Variants in RGS5 observed in about 807,000 individuals in gnomAD.
RGS5 encodes regulator of G-protein signalling 5.
A neutral mutation model predicts 18.9 loss-of-function variants in RGS5; 20 were observed. The ratio of observed to expected loss-of-function variants is 1.06; its 90% CI spans 0.74 to 1.54. The LOEUF (loss-of-function observed/expected upper bound fraction) is 1.54. Among genes scored for constraint, RGS5 ranks in the 40% most tolerant of loss-of-function variants. The probability of loss-of-function intolerance (pLI) is 0.00; values close to 1 mark genes in which losing one functional copy is unlikely to be tolerated. For synonymous variants in RGS5, 57 were observed against 76.2 expected (o/e 0.75, Z 1.31); for missense variants, 201 against 211.8 (o/e 0.95, Z 0.32).
chr1:163,161,047 C>T (rs1316120558), intron 3 of RGS5, among the ~76,000 whole-genome samples: 1 of 152,124 alleles, frequency 6.6e-6, no homozygotes, highest in Non-Finnish European at 1.5e-5. Flanking sequence ...TTTGGAATTT[C>T]AGAGGGTGGA....
At chr1:163,160,698 A>C (rs887450446) in intron 3 of RGS5, among the ~76,000 whole-genome samples, 1 of 152,230 alleles carries the variant, frequency 6.6e-6, no homozygotes, top group African/African-American at 2.4e-5. Flanking sequence ...ATTCTTTGTC[A>C]TCTACTCTGT....
chr1:163,221,250 C>G (rs1300673579), upstream of RGS5, among the ~76,000 whole-genome samples: 1 of 152,174 alleles, frequency 6.6e-6, no homozygotes, highest in Non-Finnish European at 1.5e-5. Context: ...GTAATCCCAA[C>G]AGTTTGAGAG....
rs535368259 is a variant in RGS5 at position 163,290,435 on chromosome 1, C to T, written c.-281+15798G>A. ...ATTGTTGCTTTCTGTATAATTCTTGCCAAAACTATTGCATAACATTTCTTC... is the reference window on the plus strand; with the variant it reads ...ATTGTTGCTTTCTGTATAATTCTTGTCAAAACTATTGCATAACATTTCTTC... On this transcript the variant is annotated intron_variant, in intron 2 of 5. Coordinates refer to the RGS5 transcript ENST00000618415. Among the ~76,000 whole-genome samples, 12 of 152,228 alleles carry T rather than the reference C, an allele frequency of 7.9e-5. No individual in the cohort carries two copies. In the East Asian group the frequency reaches 2.3e-3, roughly 29 times the overall value.
intron 2 of RGS5, among the ~76,000 whole-genome samples, chr1:163,163,804 C>G (rs1571224439): frequency 4.6e-5 from 7 of 152,142 alleles, no homozygotes; most frequent in Admixed American, 3.9e-4. Flanking sequence ...TAGCTCAGAG[C>G]AAGAGGAAGG....
chr1:163,245,859 G>T (rs1647915635), intron 2 of RGS5, among the ~76,000 whole-genome samples: 1 of 152,192 alleles, frequency 6.6e-6, no homozygotes, highest in Non-Finnish European at 1.5e-5. Context: ...ATCTTCTTCA[G>T]ATACATCACT....
chr1:163,172,840 T>G (rs947735394), intron 1 of RGS5, among the ~76,000 whole-genome samples: 3 of 152,202 alleles, frequency 2.0e-5, no homozygotes, highest in South Asian at 2.1e-4. Flanking sequence ...TCAAATCACT[T>G]TAAACATTGC....
At chr1:163,275,962 C>T (rs1016011758) in intron 2 of RGS5, among the ~76,000 whole-genome samples, 1 of 151,970 alleles carries the variant, frequency 6.6e-6, no homozygotes, top group African/African-American at 2.4e-5. Context: ...TTAAATAGCT[C>T]GTAAAATAAG....
At chr1:163,306,365 T>C (rs1485134768) in intron 1 of RGS5, 1 of 152,220 alleles carries the variant, frequency 6.6e-6, no homozygotes, top group Non-Finnish European at 1.5e-5. Context: ...GTACTCAGCA[T>C]GTTGCACTCA....
intron 2 of RGS5, among the ~76,000 whole-genome samples, chr1:163,305,546 C>T (rs938630884): frequency 3.3e-5 from 5 of 152,186 alleles, no homozygotes; most frequent in African/African-American, 1.2e-4. Flanking sequence ...GCTTGCAGCC[C>T]TACACACTAC....
At chr1:163,264,303 G>C (rs565603814) in intron 2 of RGS5, among the ~76,000 whole-genome samples, 7 of 152,204 alleles carry the variant, frequency 4.6e-5, no homozygotes, top group African/African-American at 1.7e-4. Flanking sequence ...TTACTAACTT[G>C]AGTGATGTTT....
chr1:163,288,283 A>G (rs1442019376), intron 2 of RGS5, among the ~76,000 whole-genome samples: 2 of 152,190 alleles, frequency 1.3e-5, no homozygotes, highest in Admixed American at 6.6e-5. Flanking sequence ...GACTTCAGGT[A>G]GTTGGGAGAG....
At chr1:163,286,081 G>A (rs1056477355) in intron 2 of RGS5, among the ~76,000 whole-genome samples, 22 of 151,350 alleles carry the variant, frequency 1.5e-4, no homozygotes, top group African/African-American at 1.9e-4. Context: ...CATGTGTTCC[G>A]CGTCTGGGGA....
chr1:163,264,203 G>A (rs1469853230), intron 2 of RGS5, among the ~76,000 whole-genome samples: 8 of 152,042 alleles, frequency 5.3e-5, no homozygotes, highest in East Asian at 1.9e-4. Context: ...CAAGGGGTAC[G>A]ATTTCATCTC....
At chr1:163,175,172 A>G (rs1415775017) in intron 1 of RGS5, among the ~76,000 whole-genome samples, 1 of 152,146 alleles carries the variant, frequency 6.6e-6, no homozygotes, top group African/African-American at 2.4e-5. Context: ...CTAGCCGTCA[A>G]TGTCCACAGC....
chr1:163,157,457 A>T (rs758400998), intron 3 of RGS5, among the ~76,000 whole-genome samples: 1 of 152,198 alleles, frequency 6.6e-6, no homozygotes, highest in Non-Finnish European at 1.5e-5. Flanking sequence ...AAGTGAGAAG[A>T]ACCTTGTTAG....
At chr1:163,308,946 A>T (rs1325557038) in intron 1 of RGS5, among the ~76,000 whole-genome samples, 2 of 152,230 alleles carry the variant, frequency 1.3e-5, no homozygotes, top group Non-Finnish European at 2.9e-5. Flanking sequence ...TAAGTTAAAA[A>T]TACTTTATTG....
At chr1:163,307,832 C>T (rs897831976) in intron 1 of RGS5, among the ~76,000 whole-genome samples, 1 of 152,178 alleles carries the variant, frequency 6.6e-6, no homozygotes, top group Non-Finnish European at 1.5e-5. Context: ...ATTTAAACTT[C>T]ACCACAGCAG....
intron 1 of RGS5, among the ~76,000 whole-genome samples, chr1:163,306,993 C>T (rs1649718297): frequency 6.6e-6 from 1 of 152,050 alleles, no homozygotes; most frequent in Non-Finnish European, 1.5e-5. Flanking sequence ...TTATGGCAGC[C>T]CTAGCAAACT....
At chr1:163,285,424 A>G (rs10917713) in intron 2 of RGS5, among the ~76,000 whole-genome samples, 3,356 of 151,980 alleles carry the variant, frequency 0.022, 40 homozygotes, top group African/African-American at 0.03. Flanking sequence ...GCGTGGTGGC[A>G]GGCACTTGTA....
Sources: allele counts gnomAD v4.1 joint callset (sites outside exome capture counted in the v4.1 genomes callset), GRCh38; gene constraint gnomAD v4.1.1; transcripts MANE v1.5; gene names NCBI Gene and HGNC (gene_info 2026-07-23, HGNC 2026-07-21).